The following GABRR2 variants were observed in gnomAD, a reference collection of about 807,000 sequenced individuals.
The protein encoded by GABRR2 is gamma-aminobutyric acid receptor subunit rho-2.
In GABRR2, 36 loss-of-function variants were observed where a neutral mutation model predicts 47.0. The observed-to-expected ratio is 0.77, with a 90% CI of 0.59 to 1.01. GABRR2 has a LOEUF of 1.01. GABRR2 is among the 50% of genes least tolerant of loss of function. GABRR2 has a pLI of 0.00. For synonymous variants in GABRR2, 204 were observed against 227.5 expected, an observed-to-expected ratio of 0.90 and a Z score of 0.93; for missense variants, 587 against 594.6, an observed-to-expected ratio of 0.99 and a Z score of 0.13.
chr6:89,277,460 C>A (rs979626182), intron 2 of GABRR2, among the ~76,000 whole-genome samples: 1 of 151,986 alleles, frequency 6.6e-6, no homozygotes, highest in Non-Finnish European at 1.5e-5. Context: ...ATATAAATAA[C>A]TCCTAAGAGT....
chr6:89,269,039 G>A lies in GABRR2; in HGVS notation c.484C>T (p.Pro162Ser). ...ATGCTGTACAGCACGTGTCCATCTG[G>A]GAACACCCTCAGCATGATGTTGTCA... The part of the protein sequence containing the change: ...TTDNIMLRVF[P>S]DGHVLYSMRI... The change falls in exon 4 of 9, where the codon CCA becomes TCA. Residue 162 changes from proline to serine, a missense_variant. Physicochemically the swap from Pro to Ser is moderately conservative, Grantham distance 74. Transcript: ENST00000402938. The A allele has an allele frequency of 1.2e-6, 2 of 1,613,970 alleles. No individual in the cohort carries two copies. The highest frequency in any genetic ancestry group is 1.7e-6 in the Non-Finnish European group (2 of 1,179,848).
At chr6:89,312,419 G>C (rs1349543157) in intron 1 of GABRR2, among the ~76,000 whole-genome samples, 1 of 152,222 alleles carries the variant, frequency 6.6e-6, no homozygotes, top group Non-Finnish European at 1.5e-5. Context: ...GTGAGGCAGG[G>C]AAGGCTTCCA....
intron 1 of GABRR2, among the ~76,000 whole-genome samples, chr6:89,304,096 T>C (rs1347997711): frequency 6.6e-6 from 1 of 151,990 alleles, no homozygotes; most frequent in African/African-American, 2.4e-5. Flanking sequence ...AAACCAAAAA[T>C]TGAGAAATGG....
chr6:89,268,402 C>T (rs1292794550), intron 4 of GABRR2, among the ~76,000 whole-genome samples: 2 of 152,214 alleles, frequency 1.3e-5, no homozygotes, highest in African/African-American at 4.8e-5. Context: ...GCCAGCAGGG[C>T]CACCTCCTCC....
At chr6:89,289,279 C>T (rs148634893) in intron 2 of GABRR2, among the ~76,000 whole-genome samples, 185 of 152,236 alleles carry the variant, frequency 1.2e-3, no homozygotes, top group Middle Eastern at 3.4e-3. Context: ...AGAGAGGTAT[C>T]GAGATCCAGC....
chr6:89,259,890 T>C (rs528501316), intron 8 of GABRR2, among the ~76,000 whole-genome samples: 1 of 151,178 alleles, frequency 6.6e-6, no homozygotes, highest in African/African-American at 2.4e-5. Context: ...TCTCTTTTTT[T>C]TTTTTTTTGT....
At chr6:89,265,945 T>A (rs1019365098) in intron 6 of GABRR2, among the ~76,000 whole-genome samples, 180 bp from the exon 7 acceptor site, 2 of 152,254 alleles carry the variant, frequency 1.3e-5, no homozygotes, top group African/African-American at 4.8e-5. Flanking sequence ...CTCCTATATA[T>A]AAATATCTTG....
chr6:89,287,165 T>C (rs985283533), intron 2 of GABRR2, among the ~76,000 whole-genome samples: 1 of 152,120 alleles, frequency 6.6e-6, no homozygotes, highest in African/African-American at 2.4e-5. Flanking sequence ...CTGTGACTTG[T>C]AGTCCAGGGG....
chr6:89,298,707 G>A (rs758460304), intron 2 of GABRR2, among the ~76,000 whole-genome samples: 13 of 152,214 alleles, frequency 8.5e-5, no homozygotes, highest in Non-Finnish European at 1.8e-4. Context: ...CCTAGTCAGA[G>A]CAGATGACTG....
In GABRR2 at chr6:89,256,294, G is replaced by C. The variant is rs117234404; in HGVS notation, c.*1376C>G. Among the ~76,000 whole-genome samples, 1,180 of 151,342 alleles carry C rather than the reference G, an allele frequency of 7.8e-3. 28 individuals carry two copies. In the East Asian group the frequency reaches 0.08, roughly 10 times the overall value. On this transcript the variant is annotated 3_prime_UTR_variant, in exon 9 of 9. Transcript: ENST00000402938. Reference sequence around the variant, plus strand: ...TCCCATCTCACACTGAACTATTACTGAGGCACTAAACACTCTTAATCTTAT... The same window carrying C: ...TCCCATCTCACACTGAACTATTACTCAGGCACTAAACACTCTTAATCTTAT...
In GABRR2 at chr6:89,256,874, A is replaced by ACCCGG. The variant is rs1334201447; in HGVS notation, c.*795_*796insCCGGG. Among the ~76,000 whole-genome samples the ACCCGG allele has an allele frequency of 1.3e-5, 2 of 152,164 alleles. No homozygotes were observed. Among genetic ancestry groups the ACCCGG allele is most frequent in the Admixed American group, 6.5e-5 (1 of 15,280 alleles). On this transcript the variant is annotated 3_prime_UTR_variant, in exon 9 of 9. Coordinates refer to ENST00000402938, the MANE Select transcript of GABRR2 (RefSeq NM_002043.5). Reference sequence around the variant, plus strand: ...GGAGGAGGATAGTTGAAAGTTCTGGACCTGGCCTCTCCTGGACCCTGCCTT... The same window carrying ACCCGG: ...GGAGGAGGATAGTTGAAAGTTCTGGACCCGGCCTGGCCTCTCCTGGACCCTGCCTT...
At chr6:89,269,559 C>T (rs1052129212) in intron 3 of GABRR2, among the ~76,000 whole-genome samples, 1 of 152,242 alleles carries the variant, frequency 6.6e-6, no homozygotes, top group Non-Finnish European at 1.5e-5. Flanking sequence ...CTCACTTAGA[C>T]CTCTGCACAC....
chr6:89,301,854 C>A (rs1767446703), intron 1 of GABRR2: 1 of 1,141,456 alleles, frequency 8.8e-7, no homozygotes, highest in Non-Finnish European at 1.3e-6. Context: ...GGGAAGTCAT[C>A]AGTGATGAGC....
At chr6:89,295,978 C>T (rs1223285336) in intron 2 of GABRR2, among the ~76,000 whole-genome samples, 2 of 152,158 alleles carry the variant, frequency 1.3e-5, no homozygotes, top group African/African-American at 4.8e-5. Context: ...TTCCATTGGT[C>T]TATGTCTCTG....
intron 7 of GABRR2, among the ~76,000 whole-genome samples, chr6:89,265,135 T>C (rs1773860855): frequency 6.6e-6 from 1 of 152,148 alleles, no homozygotes; most frequent in African/African-American, 2.4e-5. Flanking sequence ...TGACATGTTG[T>C]AAACTTTCAC....
chr6:89,271,639 G>A lies in GABRR2; in HGVS notation c.288+16C>T. 6.2e-7 allele frequency: 1 copy of A among 1,605,744 alleles called. No individual in the cohort carries two copies. The highest frequency in any genetic ancestry group is 2.2e-5 in the East Asian group (1 of 44,572). ...CTACAGGCTCTCACGCTGTGTCACT[G>A]GAGGCCGCTGCATACCATGTCCACC... is the stretch of plus-strand genomic sequence containing the variant. On this transcript the variant is annotated intron_variant, in intron 3 of 8. Transcript: ENST00000402938.
At chr6:89,310,735 G>T (rs1767665738) in intron 1 of GABRR2, among the ~76,000 whole-genome samples, 1 of 151,038 alleles carries the variant, frequency 6.6e-6, no homozygotes, top group Non-Finnish European at 1.5e-5. Flanking sequence ...TAGATGAGAA[G>T]CGGGAGGGGG....
intron 1 of GABRR2, among the ~76,000 whole-genome samples, chr6:89,308,686 C>T (rs1767617800): frequency 6.6e-6 from 1 of 152,160 alleles, no homozygotes; most frequent in Admixed American, 6.5e-5. Flanking sequence ...GGCTCAGGAA[C>T]AACCTGCTTC....
intron 8 of GABRR2, among the ~76,000 whole-genome samples, chr6:89,261,582 T>C (rs899986347): frequency 6.6e-6 from 1 of 152,262 alleles, no homozygotes; most frequent in Non-Finnish European, 1.5e-5. Context: ...AGATTCTTTA[T>C]GGCCATAAGA....
Sources: gnomAD v4.1 joint callset for allele counts (sites outside exome capture counted in the v4.1 genomes callset) on GRCh38, gnomAD v4.1.1 for gene constraint, MANE v1.5 for transcripts, NCBI Gene and HGNC (gene_info 2026-07-23, HGNC 2026-07-21) for gene names.